MCMBP: variants seen among roughly 807,000 people sequenced by gnomAD.
MCMBP encodes the protein minichromosome maintenance complex binding protein.
Under a neutral mutation model 81.3 loss-of-function variants are expected in MCMBP, and 31 were observed. The ratio of observed to expected loss-of-function variants is 0.38; its 90% CI spans 0.29 to 0.51. The LOEUF is 0.51. Ranked by LOEUF, MCMBP falls within the 20% of genes least tolerant of loss-of-function variation. MCMBP has a pLI of 0.87. For synonymous variants in MCMBP, 267 were observed against 275.9 expected (o/e 0.97, Z 0.32); for missense variants, 645 against 772.1 (o/e 0.84, Z 1.95).
intron 13 of MCMBP, 68 bp from the exon 14 acceptor site, chr10:119,835,772 G>A: frequency 6.7e-7 from 1 of 1,501,924 alleles, no homozygotes; most frequent in Non-Finnish European, 9.2e-7. Context: ...AAAGAAAGAT[G>A]CATCATCTCT....
chr10:119,872,112 G>A (rs1853698437), intron 1 of MCMBP, among the ~76,000 whole-genome samples: 1 of 152,166 alleles, frequency 6.6e-6, no homozygotes, highest in Non-Finnish European at 1.5e-5. Flanking sequence ...TATCCTGTGG[G>A]CTTCCCACAG....
At chr10:119,838,453 G>T in intron 12 of MCMBP, 82 bp downstream of exon 12, 1 of 1,353,592 alleles carries the variant, frequency 7.4e-7, no homozygotes, top group South Asian at 1.4e-5. Flanking sequence ...TTTGTCCATA[G>T]ATACTCTTCT....
chr10:119,853,562 C>T (rs1274353730), intron 5 of MCMBP, among the ~76,000 whole-genome samples: 1 of 152,214 alleles, frequency 6.6e-6, no homozygotes, highest in African/African-American at 2.4e-5. Context: ...AGTAGAGGCC[C>T]TCTCTTACTG....
chr10:119,832,807 A>C (rs904680315), intron 14 of MCMBP, among the ~76,000 whole-genome samples: 6 of 152,196 alleles, frequency 3.9e-5, no homozygotes, highest in Admixed American at 3.9e-4. Flanking sequence ...GAAATTACCA[A>C]TCACCTTAGC....
intron 7 of MCMBP, among the ~76,000 whole-genome samples, chr10:119,848,109 A>C (rs1268194878): frequency 6.6e-6 from 1 of 152,160 alleles, no homozygotes; most frequent in East Asian, 1.9e-4. Flanking sequence ...ATTTATTCAT[A>C]AACTGCAACA....
chr10:119,856,079 G>A lies in MCMBP; in HGVS notation c.429+1259C>T, dbSNP rs574079441. On this transcript the variant is annotated intron_variant, in intron 5 of 15. Transcript: ENST00000369077. ...CTCTACTAAAAATACAAAAACTGGC[G>A]GGCATGGTGGCGTGTGCCTGTAGTC... 3.2e-4 allele frequency among the ~76,000 whole-genome samples: 49 copies of A among 152,076 alleles called. 1 individual carries two copies. The South Asian group carries it at 9.1e-3, about 28-fold the overall frequency.
At chr10:119,842,674 T>G (rs908632297) in intron 9 of MCMBP, 79 bp from the exon 10 acceptor site, 16 of 1,486,884 alleles carry the variant, frequency 1.1e-5, no homozygotes, top group East Asian at 6.9e-5. Context: ...AATAACTACG[T>G]GAGCAAAGCA....
At chr10:119,832,153 A>G (rs1440440630) in intron 14 of MCMBP, 53 bp from the exon 15 acceptor site, 34 of 1,523,760 alleles carry the variant, frequency 2.2e-5, no homozygotes, top group Non-Finnish European at 3.1e-5. Context: ...GGAAAAGAAA[A>G]TTAACATGGT....
At chr10:119,837,473 T>A (rs1319125136) in intron 12 of MCMBP, among the ~76,000 whole-genome samples, 2 of 152,208 alleles carry the variant, frequency 1.3e-5, no homozygotes, top group African/African-American at 4.8e-5. Context: ...GCCAGCAGTG[T>A]ATTCTTAATT....
chr10:119,856,214 C>T (rs1211537532), intron 5 of MCMBP, among the ~76,000 whole-genome samples: 1 of 152,128 alleles, frequency 6.6e-6, no homozygotes, highest in Non-Finnish European at 1.5e-5. Context: ...GAGCAAGACT[C>T]CATCTCAAGA....
chr10:119,830,468 A>AG lies in MCMBP; in HGVS notation c.*1005_*1006insC, dbSNP rs749169104. ...ACTTGGAACCAACTGATGATCCCAT[A>AG]AAAAATGCCAAAAATCCAATAGAAT... is the stretch of plus-strand genomic sequence containing the variant. On this transcript the variant is annotated 3_prime_UTR_variant, in exon 16 of 16. Transcript: ENST00000369077. 1.3e-5 allele frequency: 2 copies of AG among 152,186 alleles called. No individual in the cohort carries two copies. The highest frequency in any genetic ancestry group is 2.9e-5 in the Non-Finnish European group (2 of 68,010). The allele number at this position is 152,186 out of a possible 1,614,324, so 9.4% of individuals were successfully genotyped here.
Position 119,835,240 on chromosome 10 carries a change from A to G in MCMBP, c.1707+300T>C, listed in dbSNP as rs543789728. Among the ~76,000 whole-genome samples, 14 of 152,284 alleles carry G rather than the reference A, an allele frequency of 9.2e-5. No individual in the cohort carries two copies. The South Asian group carries it at 2.9e-3, about 32-fold the overall frequency. ...CATTAGCCACACAAATTTTTTTTAA[A>G]TTAAAAATAACTAAACAAACTGGCA... On this transcript the variant is annotated intron_variant, in intron 14 of 15. Transcript: ENST00000369077.
chr10:119,849,861 A>ATG (rs1852747673), intron 6 of MCMBP, among the ~76,000 whole-genome samples: 1 of 152,226 alleles, frequency 6.6e-6, no homozygotes, highest in South Asian at 2.1e-4. Context: ...CAGTTTCAAA[A>ATG]GTTGATTTGC....
chr10:119,847,335 C>T (rs918417987), intron 8 of MCMBP, among the ~76,000 whole-genome samples: 4 of 152,144 alleles, frequency 2.6e-5, no homozygotes, highest in Admixed American at 6.5e-5. Flanking sequence ...GATACCTGTA[C>T]TCTAATTATA....
intron 8 of MCMBP, among the ~76,000 whole-genome samples, chr10:119,845,501 A>G (rs1268830605): frequency 6.6e-6 from 1 of 152,252 alleles, no homozygotes; most frequent in African/African-American, 2.4e-5. Context: ...ACGTATCTTC[A>G]TATTTTTGTA....
rs1284100421 is a variant in MCMBP at position 119,850,874 on chromosome 10, G to GTTT, written c.575-1301_575-1299dup. Among the ~76,000 whole-genome samples, 2,015 of 130,486 alleles carry GTTT rather than the reference G, an allele frequency of 0.015. 118 individuals carry two copies. The East Asian group carries it at 0.17, about 11-fold the overall frequency. 85.6% of individuals were successfully genotyped at this position (130,486 alleles called of 152,430 possible). On this transcript the variant is annotated intron_variant, in intron 6 of 15. Transcript: ENST00000369077. ...AGAGGCTAAAAGGTATACAAGATCT[G>GTTT]TTTTTTTTTTTTTTTTTTGAGACAG... is the stretch of plus-strand genomic sequence containing the variant.
chr10:119,832,169 G>C lies in MCMBP; in HGVS notation c.1708-69C>G, dbSNP rs1852072559. 10 of 1,383,576 alleles carry C rather than the reference G, an allele frequency of 7.2e-6. No individual in the cohort carries two copies. The East Asian group carries it at 2.3e-4, about 32-fold the overall frequency. The allele number at this position is 1,383,576 out of a possible 1,614,324, so 85.7% of individuals were successfully genotyped here. On this transcript the variant is annotated intron_variant, in intron 14 of 15. Coordinates refer to ENST00000369077, the MANE Select transcript of MCMBP (RefSeq NM_001256378.2). ...GAAAAGAAAATTAACATGGTTCCTT[G>C]ACTGATGTAGTAAGGTGCATGTCAG... is the stretch of plus-strand genomic sequence containing the variant.
At chr10:119,849,650 C>T in intron 6 of MCMBP, 74 bp from the exon 7 acceptor site, 2 of 1,396,788 alleles carry the variant, frequency 1.4e-6, no homozygotes, top group Non-Finnish European at 1.9e-6. Flanking sequence ...CCATAAGTGC[C>T]TTTCAAGTTT....
chr10:119,858,568 C>T (rs971790988), intron 4 of MCMBP, among the ~76,000 whole-genome samples: 2 of 152,064 alleles, frequency 1.3e-5, no homozygotes, highest in Non-Finnish European at 2.9e-5. Context: ...AGTGAGATTA[C>T]CATTGGCTTT....
Sources: gnomAD v4.1 joint callset for allele counts (sites outside exome capture counted in the v4.1 genomes callset) on GRCh38, gnomAD v4.1.1 for gene constraint, MANE v1.5 for transcripts, NCBI Gene and HGNC (gene_info 2026-07-23, HGNC 2026-07-21) for gene names.